The following FGFR2 variants were observed in gnomAD, a reference collection of about 807,000 sequenced individuals.
FGFR2 encodes BEK fibroblast growth factor receptor.
FGFR2 carries 19 observed loss-of-function variants against 95.9 expected under a neutral mutation model. The ratio of observed to expected loss-of-function variants is 0.20; its 90% CI spans 0.14 to 0.29. The LOEUF (loss-of-function observed/expected upper bound fraction) is 0.29. Among genes scored for constraint, FGFR2 ranks in the 10% least tolerant of loss-of-function variants. The probability of loss-of-function intolerance (pLI) is 1.00; values close to 1 mark genes in which losing one functional copy is unlikely to be tolerated. For missense variants in FGFR2, 707 were observed against 1,056.9 expected, an observed-to-expected ratio of 0.67 and a Z score of 4.59; for synonymous variants, 392 against 393.3, an observed-to-expected ratio of 1.00 and a Z score of 0.04.
intron 4 of FGFR2, among the ~76,000 whole-genome samples, chr10:121,551,789 T>C (rs756848357): frequency 6.6e-6 from 1 of 152,064 alleles, no homozygotes; most frequent in Non-Finnish European, 1.5e-5. Flanking sequence ...ATGAACAACA[T>C]ATACAACTGC....
intron 5 of FGFR2, among the ~76,000 whole-genome samples, chr10:121,542,765 C>G (rs368855633): frequency 1.4e-4 from 21 of 152,280 alleles, no homozygotes; most frequent in African/African-American, 5.1e-4. Context: ...CACAAGGTGG[C>G]CCAGACAGGT....
At chr10:121,519,758 G>T (rs966502926) in intron 7 of FGFR2, among the ~76,000 whole-genome samples, 3 of 152,170 alleles carry the variant, frequency 2.0e-5, no homozygotes, top group African/African-American at 7.2e-5. Context: ...AAGTTTAGTA[G>T]TTCTTCCCCA....
rs146925434 is a variant in FGFR2, at chr10:121,490,460, G to A, written c.1864-2347C>T. 1.9e-3 allele frequency among the ~76,000 whole-genome samples: 295 copies of A among 152,204 alleles called. 2 individuals carry two copies. The highest frequency in any genetic ancestry group is 6.7e-3 in the African/African-American group (277 of 41,534). ...ATTATAGGCGTGAGCCACCACGCCCGGCCTATGATTTTTCCTTTCTACAAA... is the reference window on the plus strand; with the variant it reads ...ATTATAGGCGTGAGCCACCACGCCCAGCCTATGATTTTTCCTTTCTACAAA... On this transcript the variant is annotated intron_variant, in intron 13 of 17. Transcript: ENST00000358487.
intron 10 of FGFR2, among the ~76,000 whole-genome samples, chr10:121,502,755 A>G (rs1716824421): frequency 6.6e-6 from 1 of 152,234 alleles, no homozygotes; most frequent in Non-Finnish European, 1.5e-5. Context: ...ATGCAGAAGT[A>G]GTCAGCATTT....
rs199575491 is a variant in FGFR2 at position 121,565,632 on chromosome 10, C to T, written c.182G>A (p.Arg61His). Residue 61 changes from arginine (R) to histidine (H), a missense_variant, in exon 3 of 18, where the codon CGC becomes CAC. Physicochemically the swap from Arg to His is conservative, Grantham distance 29 (BLOSUM62 0). This residue lies in a region of FGFR2 where 178 missense variants were observed against 194.1 expected (regional missense o/e 0.92). Coordinates refer to ENST00000358487, the MANE Select transcript of FGFR2 (RefSeq NM_000141.5). Reference protein sequence around the residue: ...VAAPGESLEVRCLLKDAAVIS... With the variant: ...VAAPGESLEVHCLLKDAAVIS... ...CACGGCGGCATCTTTCAACAGGCAG[C>T]GCACCTCTAGCGACTCCCCTGGCGC... The T allele has an allele frequency of 1.3e-5, 21 of 1,614,210 alleles. No homozygotes were observed. The Admixed American group carries it at 1.8e-4, about 14-fold the overall frequency.
rs559570168 is a variant in FGFR2, at chr10:121,588,158, C to T, written c.109+5551G>A. On this transcript the variant is annotated intron_variant, in intron 2 of 17. Transcript: ENST00000358487. ...ACCAAATACAGAAAACCAAATACTG[C>T]ATATTCTCATTTATAAGTGGGAGCT... 1.1e-4 allele frequency among the ~76,000 whole-genome samples: 16 copies of T among 149,668 alleles called. No homozygotes were observed. In the East Asian group the frequency reaches 1.2e-3, roughly 11 times the overall value.
rs781714766 is a variant in FGFR2 at position 121,515,239 on chromosome 10, C to T, written c.1165G>A (p.Ala389Thr). Residue 389 changes from alanine to threonine, a missense_variant, in exon 9 of 18, where the codon GCC becomes ACC. By Grantham distance (58) the Ala-to-Thr change is moderately conservative. This residue lies in a region of FGFR2 where 194 missense variants were observed against 267.3 expected (regional missense o/e 0.73). Transcript: ENST00000358487. Reference sequence around the variant, plus strand: ...AGGATGACTGTTACCACCATACAGGCGATTAAGAAGACCCCTATGCAGTAA... The same window carrying T: ...AGGATGACTGTTACCACCATACAGGTGATTAAGAAGACCCCTATGCAGTAA... ...AIYCIGVFLI[A>T]CMVVTVILCR... is the part of the protein sequence containing the mutation. 16 of 1,614,004 alleles carry T rather than the reference C, an allele frequency of 9.9e-6. No individual in the cohort carries two copies. Among genetic ancestry groups the T allele is most frequent in the Middle Eastern group, 1.6e-4 (1 of 6,084 alleles).
At chr10:121,526,356 G>A (rs1851366036) in intron 6 of FGFR2, among the ~76,000 whole-genome samples, 1 of 152,190 alleles carries the variant, frequency 6.6e-6, no homozygotes, top group Non-Finnish European at 1.5e-5. Context: ...GTTATTAGGA[G>A]GAGGAGGAGG....
rs1852089159 is a variant in FGFR2, at chr10:121,531,635, C to G, written c.748+6957G>C. Among the ~76,000 whole-genome samples, 2 of 152,102 alleles carry G rather than the reference C, an allele frequency of 1.3e-5. No homozygotes were observed. Among genetic ancestry groups the G allele is most frequent in the South Asian group, 4.2e-4 (2 of 4,818 alleles). ...TGCCTCTCCTACCACCTCCTCCTCC[C>G]CATAGTGCTACAAGGAAACAGTCAT... On this transcript the variant is annotated intron_variant, in intron 6 of 17. Transcript: ENST00000358487. This position sits in a 1 kb window ranked among gnomAD's most constrained non-coding sequence, Gnocchi z 4.5.
In FGFR2 at chr10:121,560,990, C is replaced by T. The variant is rs529387755; in HGVS notation, c.454+3512G>A. Among the ~76,000 whole-genome samples, 9 of 152,326 alleles carry T rather than the reference C, an allele frequency of 5.9e-5. No homozygotes were observed. In the South Asian group the frequency reaches 1.2e-3, roughly 21 times the overall value. ...TGAGAACCACTGCCCTAAGCTTCCT[C>T]TTGACAAAAAGTAAAAACTGCACCA... On this transcript the variant is annotated intron_variant, in intron 4 of 17. Coordinates refer to ENST00000358487, the MANE Select transcript of FGFR2 (RefSeq NM_000141.5).
intron 2 of FGFR2, among the ~76,000 whole-genome samples, chr10:121,570,133 G>C (rs1025976014): frequency 2.4e-4 from 32 of 136,048 alleles, no homozygotes; most frequent in African/African-American, 6.8e-4. Flanking sequence ...ACCCCGGCCA[G>C]GGGGCCAAGA....
intron 2 of FGFR2, among the ~76,000 whole-genome samples, chr10:121,571,954 T>TAA (rs71482668): frequency 2.7e-5 from 4 of 146,712 alleles, no homozygotes; most frequent in Non-Finnish European, 6.0e-5. Flanking sequence ...AAAAAAAAAA[T>TAA]AAAAAAAAAA....
chr10:121,518,964 T>C lies in FGFR2; in HGVS notation c.939+1015A>G. 9.2e-7 allele frequency: 1 copy of C among 1,085,310 alleles called. No individual in the cohort carries two copies. The highest frequency in any genetic ancestry group is 1.4e-6 in the Non-Finnish European group (1 of 726,912). 67.2% of individuals were successfully genotyped at this position (1,085,310 alleles called of 1,614,324 possible). On this transcript the variant is annotated intron_variant, in intron 7 of 17. Transcript: ENST00000358487. The surrounding 1 kb of genome is among the most constrained non-coding windows in gnomAD (Gnocchi z 4.0). ...CAGCGGCATTAAAGGGCTGCGGATT[T>C]TAAAGAACAAAATCAGTCCAGTGGT...
At chr10:121,594,699 C>T (rs1456640927) in intron 1 of FGFR2, among the ~76,000 whole-genome samples, 3 of 152,220 alleles carry the variant, frequency 2.0e-5, no homozygotes, top group African/African-American at 7.2e-5. Flanking sequence ...AATTCCCTTC[C>T]CCTGTGACTA....
chr10:121,482,128 C>T (rs775447145), intron 17 of FGFR2: 14 of 1,603,912 alleles, frequency 8.7e-6, no homozygotes, highest in African/African-American at 2.7e-5. Flanking sequence ...TGAGCCACTG[C>T]GCCTGACCAA....
At chr10:121,502,829 A>G (rs1847771353) in intron 10 of FGFR2, among the ~76,000 whole-genome samples, 1 of 152,154 alleles carries the variant, frequency 6.6e-6, no homozygotes, top group African/African-American at 2.4e-5. Flanking sequence ...GGACAGCCCT[A>G]CAATGACCAC....
At chr10:121,493,005 C>T (rs997646810) in intron 13 of FGFR2, among the ~76,000 whole-genome samples, 1 of 152,110 alleles carries the variant, frequency 6.6e-6, no homozygotes, top group African/African-American at 2.4e-5. Flanking sequence ...TGGGACCTGC[C>T]ACTCCACTCT....
chr10:121,483,576 GA>G (rs1175428356), intron 17 of FGFR2, 121 bp downstream of exon 17: 7 of 740,240 alleles, frequency 9.5e-6, no homozygotes, highest in Non-Finnish European at 1.5e-5. Context: ...TGACCCTATG[GA>G]AAAAGAATAA....
Position 121,519,972 on chromosome 10 carries a change from T to A in FGFR2, c.939+7A>T, listed in dbSNP as rs1473853467. The A allele has an allele frequency of 6.2e-7, 1 of 1,614,016 alleles. No individual in the cohort carries two copies. Among genetic ancestry groups the A allele is most frequent in the Non-Finnish European group, 8.5e-7 (1 of 1,179,982 alleles). ...TGTGGGTACCTTTAGATTCAGAAAG[T>A]CCTCACCTTGAGAACCTTGAGGTAG... On this transcript the variant is annotated splice_region_variant and intron_variant, in intron 7 of 17. Coordinates refer to ENST00000358487, the MANE Select transcript of FGFR2 (RefSeq NM_000141.5).
Sources: allele counts gnomAD v4.1 joint callset (sites outside exome capture counted in the v4.1 genomes callset), GRCh38; gene constraint gnomAD v4.1.1; regional missense constraint gnomAD v4.1.1; non-coding constraint Gnocchi (gnomAD v3.1); transcripts MANE v1.5; gene names NCBI Gene and HGNC (gene_info 2026-07-23, HGNC 2026-07-21).